ADGRB3: variants seen among roughly 807,000 people sequenced by gnomAD.
The protein encoded by ADGRB3 is adhesion G protein-coupled receptor B3, also known as brain-specific angiogenesis inhibitor 3.
In ADGRB3, 37 loss-of-function variants were observed where a neutral mutation model predicts 193.4. That is an observed-to-expected ratio of 0.19 (90% CI 0.15 to 0.25). The LOEUF (loss-of-function observed/expected upper bound fraction) is 0.25, where lower values mean the gene tolerates loss of function less well. ADGRB3 is among the 10% of genes least tolerant of loss of function. The pLI is 1.00. For missense variants in ADGRB3, 1,637 were observed against 1,852.9 expected, an observed-to-expected ratio of 0.88 and a Z score of 2.14; for synonymous variants, 690 against 644.2, an observed-to-expected ratio of 1.07 and a Z score of -1.08.
intron 13 of ADGRB3, among the ~76,000 whole-genome samples, chr6:69,031,551 T>TTCTTTCTTTC (rs371280892): frequency 4.3e-4 from 6 of 13,926 alleles, no homozygotes; most frequent in Non-Finnish European, 4.9e-4. Context: ...CTTTCTTTCT[T>TTCTTTCTTTC]TTTCTTTCTT....
At chr6:69,162,942 A>G (rs1285499795) in intron 17 of ADGRB3, among the ~76,000 whole-genome samples, 1 of 152,030 alleles carries the variant, frequency 6.6e-6, no homozygotes, top group Non-Finnish European at 1.5e-5. Context: ...GTGGGAGCTG[A>G]TGACATCTAG....
chr6:69,205,140 T>C (rs1400192282), intron 17 of ADGRB3, among the ~76,000 whole-genome samples: 2 of 152,312 alleles, frequency 1.3e-5, no homozygotes, highest in Non-Finnish European at 2.9e-5. Context: ...TAGCTGAAAC[T>C]GAATATTGCT....
intron 3 of ADGRB3, among the ~76,000 whole-genome samples, chr6:68,897,023 G>A (rs1766236821): frequency 6.6e-6 from 1 of 152,114 alleles, no homozygotes; most frequent in African/African-American, 2.4e-5. Flanking sequence ...TTCAATCTCA[G>A]TCCTATTGTA....
chr6:68,658,577 G>C (rs933613575), intron 3 of ADGRB3, among the ~76,000 whole-genome samples: 2 of 151,148 alleles, frequency 1.3e-5, no homozygotes, highest in African/African-American at 4.8e-5. Context: ...AAAAAATGGA[G>C]TATTGATTTC....
At chr6:68,786,001 G>GTTGT (rs753330037) in intron 3 of ADGRB3, among the ~76,000 whole-genome samples, 2 of 151,242 alleles carry the variant, frequency 1.3e-5, no homozygotes, top group Admixed American at 6.6e-5. Context: ...TTTTGATGGG[G>GTTGT]TTGTTTTTTT....
At chr6:68,840,005 C>T (rs493768) in intron 3 of ADGRB3, among the ~76,000 whole-genome samples, 32,601 of 152,038 alleles carry the variant, frequency 0.21, 4,042 homozygotes, top group East Asian at 0.58. Context: ...ATAGAAGCAG[C>T]ATTTAGAACA....
intron 3 of ADGRB3, among the ~76,000 whole-genome samples, chr6:68,669,788 G>T (rs935702940): frequency 6.6e-6 from 1 of 151,730 alleles, no homozygotes; most frequent in Non-Finnish European, 1.5e-5. Flanking sequence ...TTTCTTTTGG[G>T]TATATACCCA....
chr6:69,319,350 C>G (rs1427758170), intron 20 of ADGRB3, among the ~76,000 whole-genome samples: 3 of 151,050 alleles, frequency 2.0e-5, no homozygotes, highest in African/African-American at 7.3e-5. Flanking sequence ...TTATAAACTT[C>G]TTGAATTTAT....
intron 3 of ADGRB3, among the ~76,000 whole-genome samples, chr6:68,742,290 A>G (rs759303369): frequency 3.9e-5 from 6 of 152,160 alleles, no homozygotes; most frequent in Non-Finnish European, 8.8e-5. Context: ...CACTGTTTAT[A>G]TATTATGTCT....
chr6:69,226,314 GA>G (rs1480408669), intron 17 of ADGRB3, among the ~76,000 whole-genome samples: 2 of 152,118 alleles, frequency 1.3e-5, no homozygotes, highest in Admixed American at 6.5e-5. Context: ...TTGAATAAAT[GA>G]ATGAATGAAT....
chr6:68,656,031 T>G (rs1768482332), intron 3 of ADGRB3, among the ~76,000 whole-genome samples: 1 of 151,618 alleles, frequency 6.6e-6, no homozygotes, highest in South Asian at 2.1e-4. Context: ...AAGTATAATT[T>G]ATGTCTTGGC....
intron 13 of ADGRB3, among the ~76,000 whole-genome samples, chr6:69,045,712 C>G (rs1771215108): frequency 6.6e-6 from 1 of 151,972 alleles, no homozygotes; most frequent in South Asian, 2.1e-4. Context: ...AGTTACCATC[C>G]ATGCAGACAT....
intron 28 of ADGRB3, among the ~76,000 whole-genome samples, 190 bp downstream of exon 28, chr6:69,356,050 T>G (rs546984359): frequency 2.0e-5 from 3 of 152,154 alleles, no homozygotes; most frequent in African/African-American, 4.8e-5. Flanking sequence ...ATCCAGTTGT[T>G]GGTAAAAGGT....
At chr6:69,281,558 G>T (rs1186388353) in intron 20 of ADGRB3, among the ~76,000 whole-genome samples, 1 of 149,188 alleles carries the variant, frequency 6.7e-6, no homozygotes, top group African/African-American at 2.4e-5. Context: ...GGATCAGGAG[G>T]GTCTAAGCTT....
chr6:68,886,441 A>C (rs1018169373), intron 3 of ADGRB3, among the ~76,000 whole-genome samples: 1 of 152,142 alleles, frequency 6.6e-6, no homozygotes, highest in Admixed American at 6.6e-5. Flanking sequence ...GTAAAAGTAG[A>C]AAATTAGCAG....
chr6:68,794,339 A>G (rs2127367902), intron 3 of ADGRB3, among the ~76,000 whole-genome samples: 1 of 152,066 alleles, frequency 6.6e-6, no homozygotes, highest in East Asian at 1.9e-4. Context: ...CTTTACATAT[A>G]TGCATATATA....
intron 3 of ADGRB3, among the ~76,000 whole-genome samples, chr6:68,692,875 T>C (rs529347650): frequency 3.3e-5 from 5 of 151,408 alleles, no homozygotes; most frequent in South Asian, 2.1e-4. Context: ...GCTAGATAGA[T>C]GATAGATATT....
intron 3 of ADGRB3, among the ~76,000 whole-genome samples, chr6:68,756,203 T>G (rs1766296207): frequency 6.6e-6 from 1 of 152,154 alleles, no homozygotes. Flanking sequence ...TGTATATAAC[T>G]TCCACTTAAA....
intron 3 of ADGRB3, among the ~76,000 whole-genome samples, chr6:68,883,995 A>C (rs1765821239): frequency 6.6e-6 from 1 of 151,958 alleles, no homozygotes; most frequent in African/African-American, 2.4e-5. Context: ...TGTGAACAAG[A>C]AAGCAGAATT....
Sources: allele counts gnomAD v4.1 joint callset (sites outside exome capture counted in the v4.1 genomes callset), GRCh38; gene constraint gnomAD v4.1.1; transcripts MANE v1.5; gene names NCBI Gene and HGNC (gene_info 2026-07-23, HGNC 2026-07-21).